TRMT1L: variants seen among roughly 807,000 people sequenced by gnomAD.
The protein encoded by TRMT1L is tRNA (guanine(27)-N(2))-dimethyltransferase.
A neutral mutation model predicts 81.6 loss-of-function variants in TRMT1L; 28 were observed. That is an observed-to-expected ratio of 0.34 (90% CI 0.25 to 0.47). The LOEUF is 0.47. TRMT1L is among the 20% of genes least tolerant of loss of function. The probability of loss-of-function intolerance (pLI) is 1.00; values close to 1 mark genes in which losing one functional copy is unlikely to be tolerated. For missense variants in TRMT1L, 739 were observed against 877.1 expected (o/e 0.84, Z 1.99); for synonymous variants, 301 against 303.2 (o/e 0.99, Z 0.07).
At position 185,140,237 on chromosome 1, in the gene TRMT1L, G is replaced by A. The variant is rs1333253452; in HGVS notation, c.860-15C>T. On this transcript the variant is annotated splice_polypyrimidine_tract_variant and intron_variant, in intron 7 of 14. Transcript: ENST00000367506. ...TCCCATTATCCCTTAGGAAAAATGG[G>A]AAGAAAATGAGTTTTATAATTGTAA... The A allele has an allele frequency of 1.9e-6, 3 of 1,571,450 alleles. No homozygotes were observed. The highest frequency in any genetic ancestry group is 2.4e-5 in the South Asian group (2 of 84,472).
Position 185,156,590 on chromosome 1 carries a change from C to G in TRMT1L, c.123G>C (p.Ser41=). 6 of 1,597,752 alleles carry G rather than the reference C, an allele frequency of 3.8e-6. No homozygotes were observed. Among genetic ancestry groups the G allele is most frequent in the Non-Finnish European group, 5.1e-6 (6 of 1,172,378 alleles). Reference sequence around the variant, plus strand: ...CCGGAGTCGGAGCCGAGTCCAGAGCCGAATCCGGGGCCGGAGCTGGGACCC... The same window carrying G: ...CCGGAGTCGGAGCCGAGTCCAGAGCGGAATCCGGGGCCGGAGCTGGGACCC... ...SAGVPAPAPD[S]ALDSAPTPAS... Residue 41 remains serine (S), a synonymous_variant, in exon 1 of 15, where the codon TCG becomes TCC. Transcript: ENST00000367506.
At chr1:185,147,390 T>C in intron 3 of TRMT1L, 144 bp from the exon 4 acceptor site, 1 of 621,656 alleles carries the variant, frequency 1.6e-6, no homozygotes, top group Admixed American at 2.8e-5. Context: ...TGCTTTAGTT[T>C]ATACAATTAT....
At chr1:185,156,041 T>C (rs773899856) in intron 1 of TRMT1L, among the ~76,000 whole-genome samples, 8 of 152,184 alleles carry the variant, frequency 5.3e-5, no homozygotes, top group Non-Finnish European at 1.0e-4. Context: ...TTGACAGTAA[T>C]GGTTTAGAAA....
chr1:185,132,540 A>AAAAAT (rs1260589037), intron 10 of TRMT1L, among the ~76,000 whole-genome samples: 84 of 151,364 alleles, frequency 5.5e-4, no homozygotes, highest in African/African-American at 1.8e-3. Context: ...AAATAAAAAT[A>AAAAAT]AAAATAAAAA....
At chr1:185,124,341 G>GTT (rs145314848) in intron 12 of TRMT1L, among the ~76,000 whole-genome samples, 7 of 146,770 alleles carry the variant, frequency 4.8e-5, no homozygotes, top group South Asian at 2.2e-4. Flanking sequence ...GACCTTTAGT[G>GTT]TTTTTTTTTT....
At position 185,156,523 on chromosome 1, in the gene TRMT1L, C is replaced by A; in HGVS notation, c.190G>T (p.Ala64Ser). ...GCAGAGGCTAGGGACGGGGACAGGGCCGGAGCCTGGGCCAGGGCAGGGGCT... is the reference window on the plus strand; with the variant it reads ...GCAGAGGCTAGGGACGGGGACAGGGACGGAGCCTGGGCCAGGGCAGGGGCT... Reference protein sequence around the residue: ...APAPALAQAPALSPSLASAPE... With the variant: ...APAPALAQAPSLSPSLASAPE... Residue 64 changes from alanine to serine, a missense_variant, in exon 1 of 15, where the codon GCC becomes TCC. Physicochemically the swap from Ala to Ser is moderately conservative, Grantham distance 99. Coordinates refer to ENST00000367506, the MANE Select transcript of TRMT1L (RefSeq NM_030934.5). 6.2e-7 allele frequency: 1 copy of A among 1,613,272 alleles called. No individual in the cohort carries two copies. Among genetic ancestry groups the A allele is most frequent in the Non-Finnish European group, 8.5e-7 (1 of 1,179,624 alleles).
Position 185,123,867 on chromosome 1 carries a change from G to A in TRMT1L, c.1812C>T (p.Tyr604=), listed in dbSNP as rs1652556982. 2 of 1,511,272 alleles carry A rather than the reference G, an allele frequency of 1.3e-6. No individual in the cohort carries two copies. Among genetic ancestry groups the A allele is most frequent in the Non-Finnish European group, 8.9e-7 (1 of 1,129,036 alleles). 93.6% of individuals were successfully genotyped at this position (1,511,272 alleles called of 1,614,324 possible). ...KTTDDTTTDN[Y]IAQGKRKSNE... ...TATATGCATACATACCTTGTGCAAT[G>A]TAATTATCTGTTGTGGTGTCATCTG... Residue 604 remains tyrosine, a synonymous_variant, in exon 13 of 15, where the codon TAC becomes TAT. Transcript: ENST00000367506.
chr1:185,143,258 T>A, intron 7 of TRMT1L, 99 bp downstream of exon 7: 1 of 1,134,472 alleles, frequency 8.8e-7, no homozygotes, highest in Non-Finnish European at 1.2e-6. Flanking sequence ...GCCTTGGATC[T>A]TTAATTTTTT....
At position 185,120,481 on chromosome 1, in the gene TRMT1L, T is replaced by C; in HGVS notation, c.1851A>G (p.Thr617=). ...QGKRKSNEMI[T]NLGKKQKTDV... ...CAGTCTTTTGCTTCTTGCCTAAATT[T>C]GTGATCATTTCATTACTTTTTCTCT... The change falls in exon 14 of 15, where the codon ACA becomes ACG. Residue 617 remains threonine, a synonymous_variant. Transcript: ENST00000367506. 5 of 1,596,368 alleles carry C rather than the reference T, an allele frequency of 3.1e-6. No homozygotes were observed. The highest frequency in any genetic ancestry group is 4.3e-6 in the Non-Finnish European group (5 of 1,174,372).
chr1:185,152,247 A>G (rs139380171), intron 1 of TRMT1L, among the ~76,000 whole-genome samples: 20 of 152,362 alleles, frequency 1.3e-4, no homozygotes, highest in African/African-American at 3.6e-4. Flanking sequence ...AAGAACTTTC[A>G]ATCAGGTGGG....
intron 3 of TRMT1L, among the ~76,000 whole-genome samples, chr1:185,149,789 C>A (rs1373445250): frequency 6.6e-6 from 1 of 151,908 alleles, no homozygotes; most frequent in East Asian, 1.9e-4. Flanking sequence ...GTTTTCTGTC[C>A]TTCGATTTTA....
At chr1:185,139,863 ATTAAT>A in intron 8 of TRMT1L, 105 bp downstream of exon 8, 1 of 1,283,652 alleles carries the variant, frequency 7.8e-7, no homozygotes, top group Non-Finnish European at 1.1e-6. Context: ...AAAAAATGGC[ATTAAT>A]TTAAATAAAT....
chr1:185,156,953 C>G lies in TRMT1L; in HGVS notation c.-241G>C. The G allele has an allele frequency of 1.7e-6, 1 of 576,146 alleles. No homozygotes were observed. The highest frequency in any genetic ancestry group is 3.0e-6 in the Non-Finnish European group (1 of 337,982). The allele number at this position is 576,146 out of a possible 1,614,324, so 35.7% of individuals were successfully genotyped here. On this transcript the variant is annotated 5_prime_UTR_variant, in exon 1 of 15. Transcript: ENST00000367506. ...CCGCTTCCCTTTCCCCGAGGCGTTA[C>G]GACGCCACCACAAACTGCGCAGAAG...
intron 1 of TRMT1L, among the ~76,000 whole-genome samples, chr1:185,154,886 T>C (rs568257708): frequency 3.9e-5 from 6 of 152,326 alleles, no homozygotes; most frequent in African/African-American, 1.2e-4. Flanking sequence ...CTTGTTAAAT[T>C]AGATGTCTCC....
chr1:185,149,320 T>TA (rs1386257295), intron 3 of TRMT1L, among the ~76,000 whole-genome samples: 1 of 151,338 alleles, frequency 6.6e-6, no homozygotes, highest in African/African-American at 2.4e-5. Context: ...TTTTTTTTTT[T>TA]AAGAAACAGA....
Position 185,139,481 on chromosome 1 carries a change from C to T in TRMT1L, c.1208G>A (p.Ser403Asn). The T allele has an allele frequency of 6.2e-7, 1 of 1,614,152 alleles. No homozygotes were observed. The highest frequency in any genetic ancestry group is 1.3e-5 in the African/African-American group (1 of 75,052). ...ATGCTGTGCCTTGGCATATAAAGAACTGATATCTGTAGAAGTCACTGACAC... is the reference window on the plus strand; with the variant it reads ...ATGCTGTGCCTTGGCATATAAAGAATTGATATCTGTAGAAGTCACTGACAC... ...GIVSVTSTDISSLYAKAQHVA... is the reference protein window; with the variant it reads ...GIVSVTSTDINSLYAKAQHVA... Residue 403 changes from serine to asparagine, a missense_variant, in exon 9 of 15, where the codon AGT becomes AAT. By Grantham distance (46) the Ser-to-Asn change is conservative. Coordinates refer to ENST00000367506, the MANE Select transcript of TRMT1L (RefSeq NM_030934.5).
intron 3 of TRMT1L, 45 bp downstream of exon 3, chr1:185,150,334 T>G: frequency 7.3e-7 from 1 of 1,375,896 alleles, no homozygotes; most frequent in Non-Finnish European, 1.0e-6. Context: ...TAATAAATGT[T>G]GAATTTCATA....
chr1:185,141,096 A>G (rs985144082), intron 7 of TRMT1L, among the ~76,000 whole-genome samples: 6 of 152,172 alleles, frequency 3.9e-5, no homozygotes, highest in Non-Finnish European at 7.4e-5. Flanking sequence ...AGGGACATTC[A>G]TTACAAAATG....
Position 185,145,440 on chromosome 1 carries a change from T to A in TRMT1L, c.654A>T (p.Ala218=). 1.9e-6 allele frequency: 3 copies of A among 1,609,050 alleles called. No homozygotes were observed. Among genetic ancestry groups the A allele is most frequent in the Middle Eastern group, 1.7e-4 (1 of 6,040 alleles). ...NKGETKSSYI[A]ASTAKPPKEI... ...TGTTAATGAGATTGCTCAACTTACC[T>A]GCAATATAACTAGATTTAGTCTCTC... Residue 218 remains alanine, a splice_region_variant and synonymous_variant, in exon 5 of 15, where the codon GCA becomes GCT. Transcript: ENST00000367506.
Sources: allele counts gnomAD v4.1 joint callset (sites outside exome capture counted in the v4.1 genomes callset), GRCh38; gene constraint gnomAD v4.1.1; transcripts MANE v1.5; gene names NCBI Gene and HGNC (gene_info 2026-07-23, HGNC 2026-07-21).